BICRAL: variants seen among roughly 807,000 people sequenced by gnomAD.
BICRAL encodes BICRA like chromatin remodeling complex associated protein.
A neutral mutation model predicts 91.8 loss-of-function variants in BICRAL; 8 were observed. That is an observed-to-expected ratio of 0.09 (90% CI 0.05 to 0.16). The LOEUF (loss-of-function observed/expected upper bound fraction) is 0.16, where lower values mean the gene tolerates loss of function less well. Among genes scored for constraint, BICRAL ranks in the 10% least tolerant of loss-of-function variants. The probability of loss-of-function intolerance (pLI) is 1.00; values close to 1 mark genes in which losing one functional copy is unlikely to be tolerated. For synonymous variants in BICRAL, 445 were observed against 491.1 expected (o/e 0.91, Z 1.24); for missense variants, 1,038 against 1,310.9 (o/e 0.79, Z 3.21).
intron 2 of BICRAL, among the ~76,000 whole-genome samples, chr6:42,821,448 A>C (rs1764133737): frequency 6.6e-6 from 1 of 152,144 alleles, no homozygotes; most frequent in Non-Finnish European, 1.5e-5. Context: ...CTGCTGCAAA[A>C]GGAGAATGTG....
intron 1 of BICRAL, among the ~76,000 whole-genome samples, chr6:42,757,279 T>G: frequency 1.4e-5 from 2 of 147,710 alleles, no homozygotes; most frequent in Admixed American, 6.8e-5. Flanking sequence ...TGAGATGGAG[T>G]CTCCCTCTGT....
Position 42,852,080 on chromosome 6 carries a change from C to T in BICRAL, c.1840-12C>T, listed in dbSNP as rs1424757011. ...ATGAAATTAATGTTTTCATCTTTGT[C>T]ATGTTTCACAGGCTCAGAAAAAATG... On this transcript the variant is annotated splice_polypyrimidine_tract_variant and intron_variant, in intron 6 of 12. Transcript: ENST00000314073. The T allele has an allele frequency of 1.3e-6, 2 of 1,483,384 alleles. No individual in the cohort carries two copies. The highest frequency in any genetic ancestry group is 1.9e-6 in the Non-Finnish European group (2 of 1,065,340). 91.9% of individuals were successfully genotyped at this position (1,483,384 alleles called of 1,614,324 possible). A position where few individuals can be genotyped will look rare whatever the true frequency, so the allele number is the denominator to read the frequency against.
At chr6:42,816,077 T>C (rs139292383) in intron 2 of BICRAL, among the ~76,000 whole-genome samples, 306 of 151,166 alleles carry the variant, frequency 2.0e-3, no homozygotes, top group African/African-American at 7.1e-3. Context: ...CTTTAAAATA[T>C]TCTAAGGGCT....
chr6:42,757,149 T>G (rs1562448153), intron 1 of BICRAL, among the ~76,000 whole-genome samples: 2 of 152,008 alleles, frequency 1.3e-5, no homozygotes, highest in African/African-American at 2.4e-5. Context: ...ATGGACTGCT[T>G]TTTTTGATGG....
intron 1 of BICRAL, among the ~76,000 whole-genome samples, chr6:42,786,783 C>G (rs970997622): frequency 2.0e-5 from 3 of 152,098 alleles, no homozygotes; most frequent in African/African-American, 7.2e-5. Context: ...GCTGGGGAGA[C>G]ATTTCAGACC....
intron 1 of BICRAL, among the ~76,000 whole-genome samples, chr6:42,773,091 T>TA (rs1008674741): frequency 3.3e-5 from 5 of 151,834 alleles, no homozygotes; most frequent in African/African-American, 1.2e-4. Context: ...ATTTTTTTTT[T>TA]TTTTTGAGAC....
upstream of BICRAL, among the ~76,000 whole-genome samples, chr6:42,779,854 C>G (rs1291144201): frequency 6.6e-6 from 1 of 152,142 alleles, no homozygotes; most frequent in East Asian, 1.9e-4. Flanking sequence ...CTCCTGGCCT[C>G]AAGCTATCCT....
At chr6:42,852,377 T>G (rs1041209376) in intron 7 of BICRAL, 180 bp downstream of exon 7, 1 of 692,984 alleles carries the variant, frequency 1.4e-6, no homozygotes, top group Non-Finnish European at 2.6e-6. Context: ...TAAGATAGCA[T>G]TGGGCCGGGC....
intron 6 of BICRAL, among the ~76,000 whole-genome samples, chr6:42,841,485 C>T (rs933066185): frequency 6.6e-6 from 1 of 152,156 alleles, no homozygotes; most frequent in Non-Finnish European, 1.5e-5. Flanking sequence ...CGCTGCCCTG[C>T]CAATCGCTCT....
Position 42,864,805 on chromosome 6 carries a change from A to G in BICRAL, c.2599A>G (p.Thr867Ala), listed in dbSNP as rs772965184. The G allele has an allele frequency of 1.2e-6, 2 of 1,614,184 alleles. No individual in the cohort carries two copies. The highest frequency in any genetic ancestry group is 2.2e-5 in the South Asian group (2 of 91,084). Residue 867 changes from threonine to alanine, a missense_variant, in exon 13 of 13, where the codon ACC becomes GCC. Physicochemically the swap from Thr to Ala is moderately conservative, Grantham distance 58. Coordinates refer to ENST00000314073, the MANE Select transcript of BICRAL (RefSeq NM_001393499.1). ...GGCCCAAGGCAGAGACCGAGCCAAAACCGGTGTGACGGAACCCATGAATCA... is the reference window on the plus strand; with the variant it reads ...GGCCCAAGGCAGAGACCGAGCCAAAGCCGGTGTGACGGAACCCATGAATCA... ...AKAQGRDRAK[T>A]GVTEPMNHDQ...
At chr6:42,826,161 A>AGTAGTACACAGCC (rs1425724057) in intron 5 of BICRAL, among the ~76,000 whole-genome samples, 27 of 138,112 alleles carry the variant, frequency 2.0e-4, no homozygotes, top group Non-Finnish European at 4.2e-4. Flanking sequence ...TACTTGGCCA[A>AGTAGTACACAGCC]ATAGTACACA....
chr6:42,809,152 T>C (rs538866822), intron 1 of BICRAL, among the ~76,000 whole-genome samples: 40 of 142,234 alleles, frequency 2.8e-4, no homozygotes, highest in African/African-American at 9.6e-4. Context: ...CCTGTTCTCA[T>C]TGTTCAACTA....
intron 1 of BICRAL, among the ~76,000 whole-genome samples, chr6:42,805,049 T>C (rs1763670485): frequency 6.6e-6 from 1 of 152,200 alleles, no homozygotes. Context: ...ATGAAGATAA[T>C]CGCACAGAGC....
intron 2 of BICRAL, among the ~76,000 whole-genome samples, chr6:42,814,246 T>C (rs2113922839): frequency 6.8e-6 from 1 of 146,224 alleles, no homozygotes; most frequent in African/African-American, 2.5e-5. Flanking sequence ...TTTTTTTTTT[T>C]TTTTTTGAGA....
rs1377384125 is a variant in BICRAL at position 42,770,674 on chromosome 6, C to A, written c.-260-11165C>A. 1.4e-3 allele frequency among the ~76,000 whole-genome samples: 207 copies of A among 150,386 alleles called. 2 individuals carry two copies. The highest frequency in any genetic ancestry group is 0.01 in the Middle Eastern group (3 of 290). ...CAGGTGATCCACCCGCCTCGGCCTC[C>A]CAAAGTGCTGGGTTTACAGGCATGA... is the stretch of plus-strand genomic sequence containing the variant. On this transcript the variant is annotated intron_variant, in intron 1 of 14. Transcript: ENST00000614467.
At chr6:42,809,107 C>T (rs567337091) in intron 1 of BICRAL, among the ~76,000 whole-genome samples, 1 of 151,632 alleles carries the variant, frequency 6.6e-6, no homozygotes, top group African/African-American at 2.4e-5. Flanking sequence ...CCCCGGCACC[C>T]CCCCCAACAG....
At chr6:42,843,779 T>C (rs1764884620) in intron 6 of BICRAL, among the ~76,000 whole-genome samples, 1 of 150,170 alleles carries the variant, frequency 6.7e-6, no homozygotes, top group Admixed American at 6.8e-5. Flanking sequence ...GAAATGGGAT[T>C]GATCAGCATA....
At chr6:42,860,637 TA>T (rs1245677946) in intron 11 of BICRAL, among the ~76,000 whole-genome samples, 1 of 152,072 alleles carries the variant, frequency 6.6e-6, no homozygotes, top group African/African-American at 2.4e-5. Flanking sequence ...GTTTGCAGAG[TA>T]ATTAGCAGAG....
chr6:42,788,075 A>T lies in BICRAL; in HGVS notation c.-102+5974A>T, dbSNP rs532082875. Reference sequence around the variant, plus strand: ...CTGTAACCCAACTAATTAAAAAAAAATTTTTTTTATAGAGACAGGGTCTCC... The same window carrying T: ...CTGTAACCCAACTAATTAAAAAAAATTTTTTTTTATAGAGACAGGGTCTCC... On this transcript the variant is annotated intron_variant, in intron 1 of 12. Coordinates refer to ENST00000314073, the MANE Select transcript of BICRAL (RefSeq NM_001393499.1). Among the ~76,000 whole-genome samples, 422 of 151,758 alleles carry T rather than the reference A, an allele frequency of 2.8e-3. 2 individuals are homozygous for T. Among genetic ancestry groups the T allele is most frequent in the African/African-American group, 8.0e-3 (329 of 41,382 alleles).
Sources: gnomAD v4.1 joint callset for allele counts (sites outside exome capture counted in the v4.1 genomes callset) on GRCh38, gnomAD v4.1.1 for gene constraint, MANE v1.5 for transcripts, NCBI Gene and HGNC (gene_info 2026-07-23, HGNC 2026-07-21) for gene names.